The following GRIK2 variants were observed in gnomAD, a reference collection of about 807,000 sequenced individuals.
The protein encoded by GRIK2 is glutamate receptor ionotropic, kainate 2.
In GRIK2, 32 loss-of-function variants were observed where a neutral mutation model predicts 100.3. The ratio of observed to expected loss-of-function variants is 0.32; its 90% confidence interval spans 0.24 to 0.43. The LOEUF (loss-of-function observed/expected upper bound fraction) is 0.43. Among genes scored for constraint, GRIK2 ranks in the 20% least tolerant of loss-of-function variants. GRIK2 has a pLI of 1.00. For synonymous variants in GRIK2, 417 were observed against 389.4 expected, an observed-to-expected ratio of 1.07 and a Z score of -0.83; for missense variants, 843 against 1,114.9, an observed-to-expected ratio of 0.76 and a Z score of 3.47.
intron 14 of GRIK2, among the ~76,000 whole-genome samples, chr6:102,031,491 T>C (rs1246336231): frequency 2.0e-5 from 3 of 151,262 alleles, no homozygotes; most frequent in Non-Finnish European, 4.4e-5. Flanking sequence ...TATTTTAGAT[T>C]CAGGAGATAC....
intron 2 of GRIK2, among the ~76,000 whole-genome samples, chr6:101,614,699 A>T (rs1316111530): frequency 6.6e-6 from 1 of 151,776 alleles, no homozygotes; most frequent in African/African-American, 2.4e-5. Flanking sequence ...TAAGATTGGT[A>T]TAACATTTGA....
At chr6:101,973,422 A>G (rs188121559) in intron 14 of GRIK2, among the ~76,000 whole-genome samples, 1 of 152,064 alleles carries the variant, frequency 6.6e-6, no homozygotes, top group Admixed American at 6.6e-5. Context: ...CAAAAATGCA[A>G]GAACATAAAG....
At chr6:101,693,840 C>CATATGT (rs1425928455) in intron 7 of GRIK2, among the ~76,000 whole-genome samples, 1 of 151,594 alleles carries the variant, frequency 6.6e-6, no homozygotes, top group Non-Finnish European at 1.5e-5. Context: ...ATGATTATAT[C>CATATGT]ATATGTATAT....
intron 2 of GRIK2, among the ~76,000 whole-genome samples, chr6:101,423,458 G>GT (rs1458065335): frequency 2.6e-5 from 4 of 152,000 alleles, no homozygotes; most frequent in Non-Finnish European, 5.9e-5. Context: ...GACAGCACTT[G>GT]TTTTTTTATG....
intron 15 of GRIK2, among the ~76,000 whole-genome samples, chr6:102,043,693 A>G (rs1770722051): frequency 7.7e-6 from 1 of 130,320 alleles, no homozygotes; most frequent in Non-Finnish European, 1.7e-5. Flanking sequence ...TAACTTGGCT[A>G]TTGTGAAAAG....
At chr6:101,491,047 T>C (rs1387198674) in intron 2 of GRIK2, among the ~76,000 whole-genome samples, 1 of 129,962 alleles carries the variant, frequency 7.7e-6, no homozygotes, top group African/African-American at 3.1e-5. Flanking sequence ...TGTCTACCAC[T>C]CCTTGATGAC....
At chr6:101,703,315 G>A (rs1409756206) in intron 7 of GRIK2, among the ~76,000 whole-genome samples, 1 of 151,872 alleles carries the variant, frequency 6.6e-6, no homozygotes, top group Non-Finnish European at 1.5e-5. Flanking sequence ...GGTGATTGAA[G>A]ATGTGCAGTA....
At chr6:101,760,338 T>C (rs1453703225) in intron 7 of GRIK2, among the ~76,000 whole-genome samples, 1 of 110,520 alleles carries the variant, frequency 9.0e-6, no homozygotes, top group Non-Finnish European at 1.7e-5. Context: ...TATATATATT[T>C]ATTATATATA....
intron 14 of GRIK2, among the ~76,000 whole-genome samples, chr6:101,943,800 G>A (rs1468164826): frequency 6.6e-6 from 1 of 152,160 alleles, no homozygotes; most frequent in African/African-American, 2.4e-5. Context: ...AGGCTCATAG[G>A]CAAAAGATAC....
chr6:101,818,371 T>C lies in GRIK2; in HGVS notation c.1205T>C (p.Ile402Thr), dbSNP rs767556780. 42 of 1,569,294 alleles carry C rather than the reference T, an allele frequency of 2.7e-5. 1 individual carries two copies. The highest frequency in any genetic ancestry group is 1.7e-4 in the Middle Eastern group (1 of 5,978). ...CAAAGTACATATGCTATTTTATAGA[T>C]TGGAACGTGGGATCCAGCCAGTGGC... Reference protein sequence around the residue: ...ISLKEEGLEKIGTWDPASGLN... With the variant: ...ISLKEEGLEKTGTWDPASGLN... Residue 402 changes from isoleucine (I) to threonine (T), a missense_variant and splice_region_variant, in exon 10 of 17, where the codon ATT becomes ACT. Transcript: ENST00000369134.
At chr6:101,899,547 C>A (rs1295938083) in intron 12 of GRIK2, among the ~76,000 whole-genome samples, 1 of 151,882 alleles carries the variant, frequency 6.6e-6, no homozygotes, top group African/African-American at 2.4e-5. Flanking sequence ...TTCTCTTTCC[C>A]CGCCTGGATA....
At chr6:101,753,091 G>A (rs1489159531) in intron 7 of GRIK2, among the ~76,000 whole-genome samples, 3 of 151,860 alleles carry the variant, frequency 2.0e-5, no homozygotes, top group East Asian at 3.9e-4. Context: ...TCAGGAAATC[G>A]AGACCACGGT....
At chr6:101,995,205 G>C (rs1794589156) in intron 14 of GRIK2, among the ~76,000 whole-genome samples, 1 of 151,842 alleles carries the variant, frequency 6.6e-6, no homozygotes, top group Non-Finnish European at 1.5e-5. Context: ...TTGCTTGATG[G>C]AAACTGAGTC....
chr6:102,051,251 C>CCCTTCCTTCTTTCCTT (rs764711100), intron 15 of GRIK2, among the ~76,000 whole-genome samples: 4,848 of 122,098 alleles, frequency 0.04, 263 homozygotes, highest in Middle Eastern at 0.07. Flanking sequence ...TTCCCTCCCT[C>CCCTTCCTTCTTTCCTT]CCTTCCTTCC....
intron 9 of GRIK2, among the ~76,000 whole-genome samples, chr6:101,805,705 A>G (rs73512743): frequency 2.3e-3 from 353 of 152,154 alleles, no homozygotes; most frequent in African/African-American, 7.7e-3. Context: ...GACTTATAAA[A>G]TTATAAGATT....
At chr6:101,789,142 C>A (rs941607506) in intron 7 of GRIK2, among the ~76,000 whole-genome samples, 1 of 151,968 alleles carries the variant, frequency 6.6e-6, no homozygotes. Flanking sequence ...AAAATTTTCT[C>A]CCATTTTGTA....
chr6:101,964,904 A>G (rs2128483855), intron 14 of GRIK2, among the ~76,000 whole-genome samples: 1 of 152,308 alleles, frequency 6.6e-6, no homozygotes, highest in South Asian at 2.1e-4. Flanking sequence ...ACATGTGGCA[A>G]TTAGCAGGAT....
At position 101,399,032 on chromosome 6, in the gene GRIK2, A is replaced by T; in HGVS notation, c.-246A>T. 2.2e-6 allele frequency: 1 copy of T among 445,264 alleles called. No individual in the cohort carries two copies. The highest frequency in any genetic ancestry group is 4.0e-6 in the Non-Finnish European group (1 of 252,236). The allele number at this position is 445,264 out of a possible 1,614,324, so 27.6% of individuals were successfully genotyped here. On this transcript the variant is annotated 5_prime_UTR_variant, in exon 2 of 17. An upstream start codon of the reference 5' UTR is lost. Coordinates refer to ENST00000369134, the MANE Select transcript of GRIK2 (RefSeq NM_021956.5). ...GGTGTGCGTGCTGGATTTCTCCCGG[A>T]TGCTCTCCGACTAACATGGATGTCC...
intron 9 of GRIK2, among the ~76,000 whole-genome samples, chr6:101,813,165 A>G (rs1781441268): frequency 6.6e-6 from 1 of 152,064 alleles, no homozygotes; most frequent in Non-Finnish European, 1.5e-5. Flanking sequence ...ACACACATAT[A>G]CACACACATA....
Sources: gnomAD v4.1 joint callset for allele counts (sites outside exome capture counted in the v4.1 genomes callset) on GRCh38, gnomAD v4.1.1 for gene constraint, MANE v1.5 for transcripts, NCBI Gene and HGNC (gene_info 2026-07-23, HGNC 2026-07-21) for gene names.